TCAF1: variants seen among roughly 807,000 people sequenced by gnomAD.
TCAF1 encodes TRPM8 channel associated factor 1.
A neutral mutation model predicts 27.3 loss-of-function variants in TCAF1; 4 were observed. The observed-to-expected ratio is 0.15, with a 90% CI of 0.07 to 0.34. The LOEUF (loss-of-function observed/expected upper bound fraction) is 0.34, where lower values mean the gene tolerates loss of function less well. TCAF1 is among the 10% of genes least tolerant of loss of function. The pLI is 1.00. For synonymous variants in TCAF1, 105 were observed against 167.1 expected, an observed-to-expected ratio of 0.63 and a Z score of 2.87; for missense variants, 257 against 425.8, an observed-to-expected ratio of 0.60 and a Z score of 3.49.
rs565927209 is a variant in TCAF1 at position 143,881,290 on chromosome 7, G to A, written c.-14-4668C>T. Among the ~76,000 whole-genome samples, 7 of 152,330 alleles carry A rather than the reference G, an allele frequency of 4.6e-5. No individual in the cohort carries two copies. The South Asian group carries it at 1.5e-3, about 32-fold the overall frequency. On this transcript the variant is annotated intron_variant, in intron 1 of 8. Coordinates refer to ENST00000479870, the MANE Select transcript of TCAF1 (RefSeq NM_014719.3). ...ATGTCTGGATGATTAAATGACAGAT[G>A]AGGGTATAAGGGTAAACCCAGGATC...
chr7:143,876,114 C>T lies in TCAF1; in HGVS notation c.495G>A (p.Arg165=), dbSNP rs777359713. 3.6e-5 allele frequency: 58 copies of T among 1,614,074 alleles called. No individual in the cohort carries two copies. Among genetic ancestry groups the T allele is most frequent in the Non-Finnish European group, 1.0e-5 (12 of 1,180,040 alleles). The change falls in exon 2 of 9, where the codon AGG becomes AGA. Residue 165 remains arginine, a synonymous_variant. Transcript: ENST00000479870. ...GGTTCCCAGGGAACGTGAACAGAAC[C>T]CTTTCATCCTCCCCCTGGTTGGCCC... ...WDWANQGEDE[R]VLFTFPGNLV...
chr7:143,877,101 C>A (rs1323675707), intron 1 of TCAF1, among the ~76,000 whole-genome samples: 1 of 152,126 alleles, frequency 6.6e-6, no homozygotes, highest in Non-Finnish European at 1.5e-5. Flanking sequence ...GATGAGTCTA[C>A]AAGCCAAGGA....
chr7:143,883,722 C>G (rs1304640725), intron 1 of TCAF1, among the ~76,000 whole-genome samples: 2 of 152,118 alleles, frequency 1.3e-5, no homozygotes, highest in Admixed American at 1.3e-4. Flanking sequence ...CCAGGCTGAT[C>G]TCAAATCACT....
chr7:143,879,329 T>C (rs1168508052), intron 1 of TCAF1, among the ~76,000 whole-genome samples: 2 of 152,120 alleles, frequency 1.3e-5, no homozygotes, highest in African/African-American at 4.8e-5. Flanking sequence ...AAAAAGATGA[T>C]ACTTCTTTCT....
chr7:143,895,655 GA>G (rs1586800943), intron 1 of TCAF1, among the ~76,000 whole-genome samples: 1 of 151,294 alleles, frequency 6.6e-6, no homozygotes, highest in Non-Finnish European at 1.5e-5. Context: ...TTTGTAAAAA[GA>G]AAAATCTGTA....
Position 143,897,131 on chromosome 7 carries a change from AATATATATATATATATAT to A in TCAF1, c.-15+4812_-15+4829del, listed in dbSNP as rs5888117. Among the ~76,000 whole-genome samples, 384 of 80,374 alleles carry A rather than the reference AATATATATATATATATAT, an allele frequency of 4.8e-3. 3 individuals are homozygous for A. The highest frequency in any genetic ancestry group is 0.013 in the South Asian group (29 of 2,150). The allele number at this position is 80,374 out of a possible 152,430, so 52.7% of individuals were successfully genotyped here. A position where few individuals can be genotyped will look rare whatever the true frequency, so the allele number is the denominator to read the frequency against. Reference sequence around the variant, plus strand: ...AAACAGTTTTATTTTGTTAATCTTGAATATATATATATATATATATATATATATATATATATATATATA... The same window carrying A: ...AAACAGTTTTATTTTGTTAATCTTGAATATATATATATATATATATATATA... On this transcript the variant is annotated intron_variant, in intron 1 of 8. Transcript: ENST00000479870.
intron 1 of TCAF1, among the ~76,000 whole-genome samples, chr7:143,894,331 G>A (rs1305885187): frequency 2.6e-5 from 4 of 151,792 alleles, no homozygotes; most frequent in Non-Finnish European, 5.9e-5. Flanking sequence ...CCAGAGACTA[G>A]TAAATGAAGA....
At chr7:143,895,018 C>G (rs1266351605) in intron 1 of TCAF1, among the ~76,000 whole-genome samples, 1 of 151,328 alleles carries the variant, frequency 6.6e-6, no homozygotes, top group Non-Finnish European at 1.5e-5. Context: ...CAAATTAAAA[C>G]CATAATAAGA....
rs1385427335 is a variant in TCAF1 at position 143,859,955 on chromosome 7, A to C, written c.2167+253T>G. 3.2e-4 allele frequency among the ~76,000 whole-genome samples: 11 copies of C among 34,566 alleles called. 1 individual carries two copies. The highest frequency in any genetic ancestry group is 6.8e-4 in the African/African-American group (8 of 11,810). The allele number at this position is 34,566 out of a possible 152,430, so 22.7% of individuals were successfully genotyped here. ...TAATATATATTATATAATATATATT[A>C]CGGAATATATATTATATAATATATA... On this transcript the variant is annotated intron_variant, in intron 6 of 8. Transcript: ENST00000479870.
intron 1 of TCAF1, among the ~76,000 whole-genome samples, chr7:143,896,176 AAGAG>A (rs903851301): frequency 7.9e-5 from 12 of 152,014 alleles, no homozygotes; most frequent in African/African-American, 2.6e-4. Context: ...CAAACGATAA[AAGAG>A]AGATAAATGA....
At chr7:143,872,155 A>C (rs1247731808) in intron 2 of TCAF1, among the ~76,000 whole-genome samples, 2 of 144,318 alleles carry the variant, frequency 1.4e-5, no homozygotes, top group East Asian at 4.1e-4. Context: ...AAAAAAAGCT[A>C]GGGAACTATT....
chr7:143,891,818 C>T (rs1455615481), intron 1 of TCAF1, among the ~76,000 whole-genome samples: 1 of 152,150 alleles, frequency 6.6e-6, no homozygotes, highest in Non-Finnish European at 1.5e-5. Flanking sequence ...CATTGAGACA[C>T]ATCACATTCA....
intron 2 of TCAF1, among the ~76,000 whole-genome samples, chr7:143,875,501 T>C (rs1414875797): frequency 6.6e-6 from 1 of 152,122 alleles, no homozygotes; most frequent in African/African-American, 2.4e-5. Flanking sequence ...ACATATAACT[T>C]GAACCATCTT....
intron 1 of TCAF1, among the ~76,000 whole-genome samples, chr7:143,888,428 C>T (rs1348570363): frequency 6.6e-6 from 1 of 152,188 alleles, no homozygotes; most frequent in African/African-American, 2.4e-5. Flanking sequence ...CAGCACAAAG[C>T]TCACACACCA....
intron 2 of TCAF1, among the ~76,000 whole-genome samples, chr7:143,867,186 A>AAAAT (rs200679366): frequency 1.0e-5 from 1 of 99,148 alleles, no homozygotes; most frequent in Non-Finnish European, 2.1e-5. Flanking sequence ...AAAAAAAAAA[A>AAAAT]CTTGCAGGGT....
At chr7:143,891,335 T>C (rs1813627119) in intron 1 of TCAF1, among the ~76,000 whole-genome samples, 1 of 152,188 alleles carries the variant, frequency 6.6e-6, no homozygotes, top group Non-Finnish European at 1.5e-5. Flanking sequence ...GCACAAGTGG[T>C]TCAGATACTT....
intron 1 of TCAF1, among the ~76,000 whole-genome samples, chr7:143,896,972 T>C (rs1813894607): frequency 6.6e-6 from 1 of 150,476 alleles, no homozygotes; most frequent in Non-Finnish European, 1.5e-5. Context: ...TGTTGGTGTT[T>C]GAAAAACTAA....
At chr7:143,879,522 G>T (rs1055762113) in intron 1 of TCAF1, among the ~76,000 whole-genome samples, 24 of 152,096 alleles carry the variant, frequency 1.6e-4, no homozygotes, top group African/African-American at 5.6e-4. Context: ...TGCCTACTTG[G>T]CTTCAAAGGT....
intron 1 of TCAF1, among the ~76,000 whole-genome samples, chr7:143,896,802 T>C (rs1408478935): frequency 6.6e-6 from 1 of 151,816 alleles, no homozygotes; most frequent in Non-Finnish European, 1.5e-5. Flanking sequence ...AAAGTAGTGA[T>C]AGAAATGTAT....
Sources: gnomAD v4.1 joint callset for allele counts (sites outside exome capture counted in the v4.1 genomes callset) on GRCh38, gnomAD v4.1.1 for gene constraint, MANE v1.5 for transcripts, NCBI Gene and HGNC (gene_info 2026-07-23, HGNC 2026-07-21) for gene names.